KDM4B: variants seen among roughly 807,000 people sequenced by gnomAD.
The protein encoded by KDM4B is lysine-specific demethylase 4B.
Under a neutral mutation model 125.2 loss-of-function variants are expected in KDM4B, and 32 were observed. That is an observed-to-expected ratio of 0.26 (90% confidence interval 0.19 to 0.34). The LOEUF (loss-of-function observed/expected upper bound fraction) is 0.34. KDM4B is among the 10% of genes least tolerant of loss of function. KDM4B has a pLI of 1.00. For missense variants in KDM4B, 1,190 were observed against 1,577.7 expected (o/e 0.75, Z 4.16); for synonymous variants, 721 against 677.9 (o/e 1.06, Z -0.99).
At chr19:4,979,099 A>G (rs1432306360) in intron 1 of KDM4B, among the ~76,000 whole-genome samples, 2 of 152,074 alleles carry the variant, frequency 1.3e-5, no homozygotes, top group African/African-American at 4.8e-5. Context: ...CAAGGGCAAC[A>G]TGGCAAGACC....
chr19:5,111,658 C>CTGA (rs1172208198), intron 10 of KDM4B: 1 of 711,318 alleles, frequency 1.4e-6, no homozygotes, highest in Non-Finnish European at 2.6e-6. Flanking sequence ...GCCCAAGGAA[C>CTGA]ATTCAGGGAG....
intron 2 of KDM4B, among the ~76,000 whole-genome samples, chr19:5,026,339 A>G (rs971909632): frequency 2.0e-5 from 3 of 151,944 alleles, no homozygotes; most frequent in Non-Finnish European, 4.4e-5. Context: ...AATGTTTTTG[A>G]GATGATCTGG....
chr19:5,134,040 G>C lies in KDM4B; in HGVS notation c.2064G>C (p.Thr688=), dbSNP rs759615632. 1 of 1,604,222 alleles carries C rather than the reference G, an allele frequency of 6.2e-7. No individual in the cohort carries two copies. Among genetic ancestry groups the C allele is most frequent in the East Asian group, 2.2e-5 (1 of 44,708 alleles). Residue 688 remains threonine (T), a synonymous_variant, in exon 14 of 23, where the codon ACG becomes ACC. Transcript: ENST00000159111. Reference sequence around the variant, plus strand: ...CGGAGCCCTACTGCGCCATCTGCACGCTCTTCTACCCCTACTGCCAGGTGG... The same window carrying C: ...CGGAGCCCTACTGCGCCATCTGCACCCTCTTCTACCCCTACTGCCAGGTGG... The part of the protein sequence containing the change: ...ARTEPYCAIC[T]LFYPYCQALQ...
rs1482427216 is a variant in KDM4B at position 5,081,109 on chromosome 19, T to TA, written c.781-1257dup. 6.6e-6 allele frequency: 1 copy of TA among 152,190 alleles called. No homozygotes were observed. Among genetic ancestry groups the TA allele is most frequent in the African/African-American group, 2.4e-5 (1 of 41,424 alleles). The allele number at this position is 152,190 out of a possible 1,614,324, so 9.4% of individuals were successfully genotyped here. On this transcript the variant is annotated intron_variant, in intron 8 of 22. Transcript: ENST00000159111. The surrounding 1 kb of genome is among the most constrained non-coding windows in gnomAD (Gnocchi z 4.2). ...TTTTGTTCCTGTCTGGATCAGTGGTTACGCCCAGAACTCCGAGCAGCCTGT... is the reference window on the plus strand; with the variant it reads ...TTTTGTTCCTGTCTGGATCAGTGGTTAACGCCCAGAACTCCGAGCAGCCTGT...
chr19:5,103,458 C>T (rs1337785649), intron 9 of KDM4B, among the ~76,000 whole-genome samples: 4 of 152,222 alleles, frequency 2.6e-5, no homozygotes, highest in Non-Finnish European at 5.9e-5. Context: ...CTGAGGCCTG[C>T]GTCAAGAATA....
intron 20 of KDM4B, 59 bp from the exon 21 acceptor site, chr19:5,144,724 A>G: frequency 1.2e-6 from 2 of 1,603,038 alleles, no homozygotes; most frequent in Non-Finnish European, 1.7e-6. Context: ...TCTAAAACCC[A>G]GCGACAGCCC....
rs1054685289 is a variant in KDM4B, at chr19:5,137,422, T to G, written c.2385+84T>G. 134 of 1,360,182 alleles carry G rather than the reference T, an allele frequency of 9.9e-5. No homozygotes were observed. The South Asian group carries it at 1.2e-3, about 12-fold the overall frequency. The allele number at this position is 1,360,182 out of a possible 1,614,324, so 84.3% of individuals were successfully genotyped here. On this transcript the variant is annotated intron_variant, in intron 16 of 22. Transcript: ENST00000159111. ...CCAGTGGGGTGACTTTGGGGCGTAG[T>G]CTCCCCTCCGTGGGCCTGGGTTCCT... is the stretch of plus-strand genomic sequence containing the variant.
At chr19:5,117,908 G>A (rs888828128) in intron 10 of KDM4B, among the ~76,000 whole-genome samples, 4 of 152,196 alleles carry the variant, frequency 2.6e-5, no homozygotes, top group South Asian at 2.1e-4. Flanking sequence ...TGATTCTAGC[G>A]AGTTAGGCAG....
chr19:5,043,515 G>GTT (rs1174551871), intron 5 of KDM4B, among the ~76,000 whole-genome samples: 5 of 149,418 alleles, frequency 3.3e-5, no homozygotes, highest in African/African-American at 1.3e-4. Flanking sequence ...TCGGAGTGGG[G>GTT]GTGTCCACCA....
At position 5,137,277 on chromosome 19, in the gene KDM4B, G is replaced by T. The variant is rs576623184; in HGVS notation, c.2324G>T (p.Arg775Leu). ...LQVHASCYGI[R>L]PELVNEGWTC... ...TGTCTTCCAGGTTGCTATGGCATCCGTCCCGAGCTGGTCAATGAAGGCTGG... is the reference window on the plus strand; with the variant it reads ...TGTCTTCCAGGTTGCTATGGCATCCTTCCCGAGCTGGTCAATGAAGGCTGG... The change falls in exon 16 of 23, where the codon CGT becomes CTT. Residue 775 changes from arginine (R) to leucine (L), a missense_variant. Physicochemically the swap from Arg to Leu is moderately radical, Grantham distance 102. Transcript: ENST00000159111. The T allele has an allele frequency of 6.3e-7, 1 of 1,577,080 alleles. No individual in the cohort carries two copies.
chr19:5,113,059 GC>G (rs1168677758), intron 10 of KDM4B: 1 of 152,270 alleles, frequency 6.6e-6, no homozygotes, highest in Non-Finnish European at 1.5e-5. Flanking sequence ...AGATGCGGAA[GC>G]CGCTGCGCTC....
At position 5,137,683 on chromosome 19, in the gene KDM4B, G is replaced by A; in HGVS notation, c.2441+7G>A. On this transcript the variant is annotated splice_region_variant and intron_variant, in intron 17 of 22. Coordinates refer to ENST00000159111, the MANE Select transcript of KDM4B (RefSeq NM_015015.3). ...AGATGACCACCGATAGGAGGTGGGT[G>A]GCACCGCGCGTTGGGGCTGGAGGGC... The A allele has an allele frequency of 1.3e-6, 2 of 1,578,664 alleles. No individual in the cohort carries two copies. The highest frequency in any genetic ancestry group is 1.7e-6 in the Non-Finnish European group (2 of 1,165,532).
intron 1 of KDM4B, among the ~76,000 whole-genome samples, chr19:4,985,911 C>T (rs1413874200): frequency 6.6e-6 from 1 of 152,232 alleles, no homozygotes; most frequent in Non-Finnish European, 1.5e-5. Flanking sequence ...CCCAGCCCTC[C>T]ACCTCTGTGT....
Position 5,141,685 on chromosome 19 carries a change from A to G in KDM4B, c.2551-2282A>G, listed in dbSNP as rs1281179067. 6.6e-6 allele frequency among the ~76,000 whole-genome samples: 1 copy of G among 152,188 alleles called. No individual in the cohort carries two copies. The highest frequency in any genetic ancestry group is 1.9e-4 in the East Asian group (1 of 5,182). ...CAGCCACCGGCTCAGGGCTCCAGGC[A>G]GTCCTGGTGAGTCAGGGGGCTCCGG... On this transcript the variant is annotated intron_variant, in intron 18 of 22. Coordinates refer to ENST00000159111, the MANE Select transcript of KDM4B (RefSeq NM_015015.3). This position sits in a 1 kb window ranked among gnomAD's most constrained non-coding sequence, Gnocchi z 6.4.
intron 10 of KDM4B, chr19:5,111,407 C>T (rs772041736): frequency 2.6e-6 from 2 of 765,200 alleles, no homozygotes; most frequent in Non-Finnish European, 4.8e-6. Flanking sequence ...CACAGACCCT[C>T]CCAGCCAGGT....
chr19:5,001,590 A>G (rs986909579), intron 1 of KDM4B, among the ~76,000 whole-genome samples: 7 of 152,172 alleles, frequency 4.6e-5, no homozygotes, highest in African/African-American at 1.7e-4. Context: ...GGGTATCTTC[A>G]TGGTAGATTT....
At chr19:5,148,596 C>T (rs1355450189) in intron 21 of KDM4B, among the ~76,000 whole-genome samples, 2 of 152,334 alleles carry the variant, frequency 1.3e-5, no homozygotes, top group East Asian at 3.9e-4. Flanking sequence ...GGAAAGGCAG[C>T]AGGTGGGCCC....
intron 1 of KDM4B, among the ~76,000 whole-genome samples, chr19:4,999,694 T>A (rs941737370): frequency 1.3e-5 from 2 of 151,374 alleles, no homozygotes; most frequent in Admixed American, 6.6e-5. Context: ...TCCACCCATT[T>A]ACTCACCTAT....
intron 5 of KDM4B, among the ~76,000 whole-genome samples, chr19:5,046,482 G>A (rs2037030886): frequency 6.6e-6 from 1 of 152,226 alleles, no homozygotes; most frequent in Admixed American, 6.5e-5. Flanking sequence ...GGTCGTGCAG[G>A]TGCAGGAACA....
Sources: gnomAD v4.1 joint callset for allele counts (sites outside exome capture counted in the v4.1 genomes callset) on GRCh38, gnomAD v4.1.1 for gene constraint, Gnocchi (gnomAD v3.1) non-coding constraint, MANE v1.5 for transcripts, NCBI Gene and HGNC (gene_info 2026-07-23, HGNC 2026-07-21) for gene names.